STK32B: variants seen among roughly 807,000 people sequenced by gnomAD.
STK32B encodes serine/threonine-protein kinase 32B.
In STK32B, 43 loss-of-function variants were observed where a neutral mutation model predicts 52.6. That is an observed-to-expected ratio of 0.82 (90% CI 0.64 to 1.05). The LOEUF (loss-of-function observed/expected upper bound fraction) is 1.05. STK32B is among the 50% of genes least tolerant of loss of function. The pLI is 0.00. For missense variants in STK32B, 621 were observed against 534.6 expected (o/e 1.16, Z -1.59); for synonymous variants, 238 against 204.3 (o/e 1.17, Z -1.41).
chr4:5,401,333 A>T (rs1055973254), intron 5 of STK32B, among the ~76,000 whole-genome samples: 2 of 152,182 alleles, frequency 1.3e-5, no homozygotes, highest in African/African-American at 4.8e-5. Flanking sequence ...CTATTTCAAG[A>T]GTTCCATCAT....
intron 1 of STK32B, among the ~76,000 whole-genome samples, chr4:5,097,156 G>A (rs921574700): frequency 1.3e-5 from 2 of 152,270 alleles, no homozygotes; most frequent in Middle Eastern, 3.4e-3. Flanking sequence ...CTTGCCCATG[G>A]TATTTTTGTT....
intron 3 of STK32B, among the ~76,000 whole-genome samples, chr4:5,194,005 G>C (rs1456543078): frequency 1.3e-5 from 2 of 152,196 alleles, no homozygotes; most frequent in African/African-American, 4.8e-5. Context: ...TGTTCTATCT[G>C]AGCATTCTTA....
At chr4:5,223,190 C>G (rs1723649021) in intron 3 of STK32B, among the ~76,000 whole-genome samples, 1 of 152,210 alleles carries the variant, frequency 6.6e-6, no homozygotes, top group African/African-American at 2.4e-5. Context: ...GGTGCTAATT[C>G]TGCAGGTTTG....
At chr4:5,092,004 C>G (rs139242882) in intron 1 of STK32B, among the ~76,000 whole-genome samples, 8 of 152,262 alleles carry the variant, frequency 5.3e-5, no homozygotes, top group African/African-American at 1.7e-4. Context: ...ATAAACAAAT[C>G]CATAGAAATG....
At chr4:5,219,763 G>A (rs907850341) in intron 3 of STK32B, among the ~76,000 whole-genome samples, 20 of 152,204 alleles carry the variant, frequency 1.3e-4, no homozygotes, top group African/African-American at 4.8e-4. Context: ...ACTCCACTGT[G>A]TGCACTGCCC....
At position 5,325,302 on chromosome 4, in the gene STK32B, C is replaced by G. The variant is rs987597596; in HGVS notation, c.261-5918C>G. ...TTTCCCACTGATTTCAGTACCAGGA[C>G]AAAAATCTTGCTTTTCCTAAACAAT... On this transcript the variant is annotated intron_variant, in intron 3 of 11. Coordinates refer to ENST00000282908, the MANE Select transcript of STK32B (RefSeq NM_018401.3). 3.4e-5 allele frequency among the ~76,000 whole-genome samples: 5 copies of G among 149,180 alleles called. No individual in the cohort carries two copies. The East Asian group carries it at 9.8e-4, about 29-fold the overall frequency.
At chr4:5,229,911 G>C (rs1387039094) in intron 3 of STK32B, among the ~76,000 whole-genome samples, 1 of 152,070 alleles carries the variant, frequency 6.6e-6, no homozygotes, top group African/African-American at 2.4e-5. Flanking sequence ...TGGCTAATAA[G>C]GACACAGTAG....
At chr4:5,476,043 C>T (rs113803205) in intron 11 of STK32B, among the ~76,000 whole-genome samples, 3,212 of 152,030 alleles carry the variant, frequency 0.021, 79 homozygotes, top group African/African-American at 0.063. Context: ...TACAGGCACC[C>T]GCCACCACAC....
intron 1 of STK32B, among the ~76,000 whole-genome samples, chr4:5,084,681 CT>C (rs1712620384): frequency 6.6e-6 from 1 of 151,938 alleles, no homozygotes; most frequent in Non-Finnish European, 1.5e-5. Context: ...AATTTTCTTT[CT>C]TTGTTGGAAA....
chr4:5,363,081 A>G (rs1734654203), intron 4 of STK32B, among the ~76,000 whole-genome samples: 1 of 152,182 alleles, frequency 6.6e-6, no homozygotes, highest in Non-Finnish European at 1.5e-5. Flanking sequence ...TCTTCACTTA[A>G]CACATTTCTT....
At chr4:5,430,698 T>C (rs1044424059) in intron 6 of STK32B, among the ~76,000 whole-genome samples, 5 of 152,208 alleles carry the variant, frequency 3.3e-5, no homozygotes, top group African/African-American at 1.2e-4. Context: ...ATGCTTTTAG[T>C]TTTCTTTGGA....
At chr4:5,201,420 G>C (rs1722133147) in intron 3 of STK32B, among the ~76,000 whole-genome samples, 2 of 152,174 alleles carry the variant, frequency 1.3e-5, no homozygotes, top group Admixed American at 1.3e-4. Flanking sequence ...TTCCAGCTCA[G>C]CGTCTTGCTT....
chr4:5,163,277 C>G (rs1359429900), intron 2 of STK32B, among the ~76,000 whole-genome samples: 3 of 152,172 alleles, frequency 2.0e-5, no homozygotes, highest in African/African-American at 4.8e-5. Context: ...GGCAAGGCCT[C>G]TGTCTGCAGG....
Position 5,396,048 on chromosome 4 carries a change from T to G in STK32B, c.435-2159T>G, listed in dbSNP as rs1736897837. Among the ~76,000 whole-genome samples, 1 of 152,256 alleles carries G rather than the reference T, an allele frequency of 6.6e-6. No individual in the cohort carries two copies. Among genetic ancestry groups the G allele is most frequent in the Non-Finnish European group, 1.5e-5 (1 of 68,046 alleles). On this transcript the variant is annotated intron_variant, in intron 4 of 11. Transcript: ENST00000282908. The surrounding 1 kb of genome is among the most constrained non-coding windows in gnomAD (Gnocchi z 4.7). ...CCTTTGAGGTTTGCCCTCAACTCTA[T>G]CAGCTCTCCTTCCACCGTGCCAGTT...
chr4:5,489,621 A>ATTTTTT (rs1193462359), intron 11 of STK32B, among the ~76,000 whole-genome samples: 1 of 151,588 alleles, frequency 6.6e-6, no homozygotes, highest in East Asian at 2.0e-4. Flanking sequence ...TATTTTATTT[A>ATTTTTT]TTTTTTATTA....
chr4:5,314,761 G>T (rs1355320109), intron 3 of STK32B, among the ~76,000 whole-genome samples: 1 of 152,100 alleles, frequency 6.6e-6, no homozygotes, highest in African/African-American at 2.4e-5. Context: ...AAAATAGATA[G>T]AACCAGTCAC....
intron 7 of STK32B, among the ~76,000 whole-genome samples, chr4:5,456,389 C>A (rs556454794): frequency 6.6e-6 from 1 of 152,252 alleles, no homozygotes; most frequent in Non-Finnish European, 1.5e-5. Context: ...TCGGCCCGGA[C>A]AGGGAAAGTG....
chr4:5,290,655 T>C (rs1342477647), intron 3 of STK32B, among the ~76,000 whole-genome samples: 1 of 152,182 alleles, frequency 6.6e-6, no homozygotes, highest in Non-Finnish European at 1.5e-5. Context: ...ACTTTACTTT[T>C]ACTTTAAGGA....
intron 3 of STK32B, among the ~76,000 whole-genome samples, chr4:5,321,053 A>G (rs1475012220): frequency 6.6e-6 from 1 of 152,156 alleles, no homozygotes; most frequent in Non-Finnish European, 1.5e-5. Flanking sequence ...AGAGAGTACA[A>G]AAGGGCTTTG....
Sources: gnomAD v4.1 joint callset for allele counts (sites outside exome capture counted in the v4.1 genomes callset) on GRCh38, gnomAD v4.1.1 for gene constraint, Gnocchi (gnomAD v3.1) non-coding constraint, MANE v1.5 for transcripts, NCBI Gene and HGNC (gene_info 2026-07-23, HGNC 2026-07-21) for gene names.